The following ODAD4 variants were observed in gnomAD, a reference collection of about 807,000 sequenced individuals.
ODAD4 encodes outer dynein arm docking complex subunit 4, also known as outer dynein arm-docking complex subunit 4.
Under a neutral mutation model 51.8 loss-of-function variants are expected in ODAD4, and 49 were observed. The observed-to-expected ratio is 0.95, with a 90% confidence interval of 0.75 to 1.20. The LOEUF is 1.20. Among genes scored for constraint, ODAD4 ranks in the 50% most tolerant of loss-of-function variants. ODAD4 has a pLI of 0.00. For synonymous variants in ODAD4, 235 were observed against 221.3 expected (o/e 1.06, Z -0.55); for missense variants, 590 against 586.5 (o/e 1.01, Z -0.06).
chr17:41,939,886 T>G (rs12947380), intron 7 of ODAD4, among the ~76,000 whole-genome samples: 16,189 of 152,174 alleles, frequency 0.11, 1,031 homozygotes, highest in Non-Finnish European at 0.14. Flanking sequence ...TAAGCCACTT[T>G]AGCTCCCTCA....
chr17:41,944,424 ACACACACACACACACACACACCCCC>A (rs782557108), intron 7 of ODAD4, among the ~76,000 whole-genome samples: 1 of 15,046 alleles, frequency 6.6e-5, no homozygotes, highest in South Asian at 4.9e-3. Flanking sequence ...ACACACACAC[ACACACACACACACACACACACCCCC>A]CCGCATACAC....
intron 10 of ODAD4, among the ~76,000 whole-genome samples, 158 bp from the exon 11 acceptor site, chr17:41,961,224 G>A (rs1010967792): frequency 2.7e-4 from 41 of 152,128 alleles, no homozygotes; most frequent in African/African-American, 9.9e-4. Flanking sequence ...GTCAGTAAGT[G>A]TAGATTAACC....
intron 10 of ODAD4, among the ~76,000 whole-genome samples, chr17:41,958,796 G>A (rs1478442826): frequency 6.6e-6 from 1 of 151,474 alleles, no homozygotes; most frequent in African/African-American, 2.4e-5. Context: ...AGGCCGAGGC[G>A]GGTGGATCAC....
In ODAD4 at chr17:41,965,506, C is replaced by T. The variant is rs782243953; in HGVS notation, c.*23C>T. The T allele has an allele frequency of 1.3e-6, 1 of 746,958 alleles. No homozygotes were observed. Among genetic ancestry groups the T allele is most frequent in the South Asian group, 1.5e-5 (1 of 68,246 alleles). The allele number at this position is 746,958 out of a possible 1,614,324, so 46.3% of individuals were successfully genotyped here. ...TGAAGCCATCGGTAGAGATGAGGAT[C>T]AGGAAGCTGGTGTTCAGAGGGATCA... On this transcript the variant is annotated 3_prime_UTR_variant, in exon 12 of 12. Transcript: ENST00000377540.
intron 9 of ODAD4, chr17:41,952,540 CAAAAAAAAAAAAA>C (rs11369140): frequency 4.5e-4 from 51 of 113,858 alleles, no homozygotes; most frequent in African/African-American, 9.9e-4. Flanking sequence ...ACCCTCACTC[CAAAAAAAAAAAAA>C]AAAAAAAAAA....
At chr17:41,953,406 C>CAAGATCTATCCT (rs2050685372) in intron 9 of ODAD4, among the ~76,000 whole-genome samples, 1 of 151,748 alleles carries the variant, frequency 6.6e-6, no homozygotes, top group Non-Finnish European at 1.5e-5. Flanking sequence ...GCTTATTTTC[C>CAAGATCTATCCT]CCATGGGTCT....
At chr17:41,940,894 A>G (rs528288951) in intron 7 of ODAD4, among the ~76,000 whole-genome samples, 2 of 152,200 alleles carry the variant, frequency 1.3e-5, no homozygotes, top group Non-Finnish European at 2.9e-5. Flanking sequence ...AACATGTCCA[A>G]ATCGGAATCC....
rs1555638356 is a variant in ODAD4 at position 41,939,090 on chromosome 17, A to C, written c.976A>C (p.Ile326Leu). ...ACTGGTTGGAAACTTGTATAGCTGC[A>C]TAGGGAATGCCCAGATTGAGCTGGG... ...DELVGNLYSC[I>L]GNAQIELGQM... is the part of the protein sequence containing the mutation. The change falls in exon 7 of 12, where the codon ATA becomes CTA. Residue 326 changes from isoleucine (I) to leucine (L), a missense_variant. Ile to Leu is a conservative substitution (Grantham distance 5). Around this residue, in one of 3 missense-constraint regions of ODAD4, gnomAD observed 360 missense variants for 407.5 expected, o/e 0.88. Transcript: ENST00000377540. 1 of 1,614,010 alleles carries C rather than the reference A, an allele frequency of 6.2e-7. No individual in the cohort carries two copies. Among genetic ancestry groups the C allele is most frequent in the Non-Finnish European group, 8.5e-7 (1 of 1,179,886 alleles).
At chr17:41,936,983 CT>C in intron 5 of ODAD4, 56 bp downstream of exon 5, 1 of 1,589,186 alleles carries the variant, frequency 6.3e-7, no homozygotes, top group African/African-American at 1.3e-5. Flanking sequence ...TGGGTGGATG[CT>C]TCATGCATGA....
intron 5 of ODAD4, among the ~76,000 whole-genome samples, chr17:41,937,371 G>A (rs550028002): frequency 1.7e-4 from 26 of 152,328 alleles, no homozygotes; most frequent in African/African-American, 6.0e-4. Flanking sequence ...TCCTTTTGTA[G>A]ATAAGGAAAT....
intron 9 of ODAD4, chr17:41,954,900 C>T: frequency 3.3e-6 from 1 of 300,512 alleles, no homozygotes; most frequent in East Asian, 8.3e-5. Flanking sequence ...AAAGATGGAG[C>T]AGGATGCGGT....
intron 11 of ODAD4, among the ~76,000 whole-genome samples, chr17:41,961,977 G>T (rs901811481): frequency 2.2e-4 from 34 of 152,200 alleles, no homozygotes; most frequent in African/African-American, 8.2e-4. Context: ...TCCAAAAGAT[G>T]CCCAGGAGTT....
intron 9 of ODAD4, among the ~76,000 whole-genome samples, chr17:41,949,654 T>C (rs951963568): frequency 1.1e-4 from 17 of 152,242 alleles, no homozygotes; most frequent in Non-Finnish European, 1.0e-4. Context: ...CCTTCTGCCT[T>C]GGTACTTTTT....
At chr17:41,931,474 G>A (rs1555636833) in intron 1 of ODAD4, among the ~76,000 whole-genome samples, 1 of 152,198 alleles carries the variant, frequency 6.6e-6, no homozygotes, top group African/African-American at 2.4e-5. Flanking sequence ...ATGGGAGGTT[G>A]CATGCAGAAG....
In ODAD4 at chr17:41,960,683, G is replaced by A. The variant is rs190312117; in HGVS notation, c.1444-699G>A. On this transcript the variant is annotated intron_variant, in intron 10 of 11. Coordinates refer to ENST00000377540, the MANE Select transcript of ODAD4 (RefSeq NM_031421.5). ...TGACTCCTCATGGGACCAGGCCCCCGACCCCTCACCCTCCTGGATTGGCAA... is the reference window on the plus strand; with the variant it reads ...TGACTCCTCATGGGACCAGGCCCCCAACCCCTCACCCTCCTGGATTGGCAA... 1.5e-3 allele frequency among the ~76,000 whole-genome samples: 225 copies of A among 152,278 alleles called. 1 individual carries two copies. Among genetic ancestry groups the A allele is most frequent in the South Asian group, 4.6e-3 (22 of 4,824 alleles).
intron 8 of ODAD4, among the ~76,000 whole-genome samples, chr17:41,945,895 A>G (rs1029363560): frequency 1.0e-5 from 1 of 96,296 alleles, no homozygotes; most frequent in Non-Finnish European, 2.5e-5. Context: ...AGCAAGATAC[A>G]GTCTCAAAAA....
intron 9 of ODAD4, among the ~76,000 whole-genome samples, chr17:41,950,854 G>A (rs1447354556): frequency 6.6e-6 from 1 of 151,776 alleles, no homozygotes; most frequent in Non-Finnish European, 1.5e-5. Flanking sequence ...GATTACAGGC[G>A]TGTGCCACCA....
At chr17:41,951,424 T>C (rs1015988777) in intron 9 of ODAD4, among the ~76,000 whole-genome samples, 2 of 151,526 alleles carry the variant, frequency 1.3e-5, no homozygotes, top group African/African-American at 2.4e-5. Flanking sequence ...ACTTTATCCT[T>C]ACAAGCCGGT....
At chr17:41,944,229 G>A (rs555413804) in intron 7 of ODAD4, among the ~76,000 whole-genome samples, 2 of 151,808 alleles carry the variant, frequency 1.3e-5, no homozygotes, top group South Asian at 2.1e-4. Context: ...GCTGGGCGTG[G>A]TGGCATGTGC....
Sources: allele counts gnomAD v4.1 joint callset (sites outside exome capture counted in the v4.1 genomes callset), GRCh38; gene constraint gnomAD v4.1.1; regional missense constraint gnomAD v4.1.1; transcripts MANE v1.5; gene names NCBI Gene and HGNC (gene_info 2026-07-23, HGNC 2026-07-21).